Variants in SLC25A21 observed in about 807,000 individuals in gnomAD.
SLC25A21 encodes the protein solute carrier family 25 member 21, also known as mitochondrial 2-oxodicarboxylate carrier.
Under a neutral mutation model 43.8 loss-of-function variants are expected in SLC25A21, and 47 were observed. The ratio of observed to expected loss-of-function variants is 1.07; its 90% confidence interval spans 0.85 to 1.37. The LOEUF is 1.37. Ranked by LOEUF, SLC25A21 falls within the 40% of genes most tolerant of loss-of-function variation. SLC25A21 has a pLI of 0.00. For synonymous variants in SLC25A21, 131 were observed against 121.3 expected (o/e 1.08, Z -0.52); for missense variants, 352 against 350.2 (o/e 1.00, Z -0.04).
intron 4 of SLC25A21, among the ~76,000 whole-genome samples, chr14:36,730,585 T>C (rs1413839217): frequency 2.6e-5 from 4 of 152,252 alleles, no homozygotes; most frequent in African/African-American, 7.2e-5. Context: ...TAGCTCCTTA[T>C]AGATGGCTTC....
intron 2 of SLC25A21, among the ~76,000 whole-genome samples, chr14:36,815,477 G>A (rs373983564): frequency 2.6e-5 from 4 of 152,130 alleles, no homozygotes; most frequent in South Asian, 2.1e-4. Context: ...GTTTACTATC[G>A]CTACTCGGTG....
At chr14:36,836,358 T>C (rs1889208974) in intron 2 of SLC25A21, among the ~76,000 whole-genome samples, 1 of 152,240 alleles carries the variant, frequency 6.6e-6, no homozygotes, top group South Asian at 2.1e-4. Context: ...TATAGTTTTC[T>C]TATGATATAT....
intron 1 of SLC25A21, among the ~76,000 whole-genome samples, chr14:36,976,852 T>C (rs1482575555): frequency 6.6e-6 from 1 of 152,234 alleles, no homozygotes; most frequent in Admixed American, 6.5e-5. Flanking sequence ...GAGCCTTGCT[T>C]GAAAAGTGCT....
At chr14:37,108,956 C>G in intron 1 of SLC25A21, among the ~76,000 whole-genome samples, 1 of 152,058 alleles carries the variant, frequency 6.6e-6, no homozygotes, top group East Asian at 1.9e-4. Context: ...CCATTACAAC[C>G]TGTTACTTTC....
At chr14:37,126,768 A>T (rs1386895507) in intron 1 of SLC25A21, among the ~76,000 whole-genome samples, 1 of 152,224 alleles carries the variant, frequency 6.6e-6, no homozygotes. Context: ...CATTCAGGGC[A>T]TTCTTTAATC....
chr14:36,802,157 C>T (rs935057806), intron 3 of SLC25A21, among the ~76,000 whole-genome samples: 8 of 151,968 alleles, frequency 5.3e-5, no homozygotes, highest in African/African-American at 1.9e-4. Flanking sequence ...CCATGGGTGT[C>T]GTAAATTTTC....
intron 3 of SLC25A21, among the ~76,000 whole-genome samples, chr14:36,762,565 T>C (rs1405040029): frequency 1.3e-5 from 2 of 152,248 alleles, no homozygotes; most frequent in Non-Finnish European, 2.9e-5. Flanking sequence ...TATTGCAAAT[T>C]AATCTGAGTT....
chr14:36,706,404 C>T (rs1202476474), intron 7 of SLC25A21, among the ~76,000 whole-genome samples: 1 of 152,116 alleles, frequency 6.6e-6, no homozygotes, highest in Non-Finnish European at 1.5e-5. Context: ...AAGGTCATTC[C>T]ACCAGTAAGG....
At chr14:36,934,998 T>C (rs1374358443) in intron 1 of SLC25A21, among the ~76,000 whole-genome samples, 1 of 128,670 alleles carries the variant, frequency 7.8e-6, no homozygotes, top group Non-Finnish European at 1.6e-5. Flanking sequence ...GTTCTTTATC[T>C]TTTTTTTTTT....
intron 1 of SLC25A21, among the ~76,000 whole-genome samples, chr14:37,054,778 C>A (rs1305788957): frequency 1.3e-5 from 2 of 152,158 alleles, no homozygotes; most frequent in Non-Finnish European, 2.9e-5. Flanking sequence ...CTAGAACTTT[C>A]TAGGTTTAAA....
intron 3 of SLC25A21, among the ~76,000 whole-genome samples, chr14:36,754,795 ATTAAT>A (rs1885863142): frequency 6.6e-6 from 1 of 152,212 alleles, no homozygotes; most frequent in Non-Finnish European, 1.5e-5. Flanking sequence ...GAAATATGTT[ATTAAT>A]TTATCTACTT....
intron 1 of SLC25A21, among the ~76,000 whole-genome samples, chr14:37,052,844 G>T (rs1227090549): frequency 6.6e-6 from 1 of 152,042 alleles, no homozygotes; most frequent in South Asian, 2.1e-4. Flanking sequence ...CACCATGTTG[G>T]CCAGACTGAT....
At chr14:37,158,919 T>G (rs983216671) in intron 1 of SLC25A21, among the ~76,000 whole-genome samples, 1 of 152,108 alleles carries the variant, frequency 6.6e-6, no homozygotes, top group East Asian at 1.9e-4. Flanking sequence ...CAAAAATCAG[T>G]AGCATTTCTA....
rs574306304 is a variant in SLC25A21, at chr14:36,895,946, A to T, written c.71-20942T>A. 3.2e-3 allele frequency among the ~76,000 whole-genome samples: 489 copies of T among 151,976 alleles called. 4 individuals carry two copies. Among genetic ancestry groups the T allele is most frequent in the African/African-American group, 0.011 (459 of 41,464 alleles). Reference sequence around the variant, plus strand: ...CTGTTCTTTTACATTTGCTGAGGAGAGCTTTACTTCCATCTGTGTGGTCAA... The same window carrying T: ...CTGTTCTTTTACATTTGCTGAGGAGTGCTTTACTTCCATCTGTGTGGTCAA... On this transcript the variant is annotated intron_variant, in intron 1 of 9. Transcript: ENST00000331299.
At chr14:37,034,892 T>G (rs1239840904) in intron 1 of SLC25A21, among the ~76,000 whole-genome samples, 1 of 152,214 alleles carries the variant, frequency 6.6e-6, no homozygotes, top group African/African-American at 2.4e-5. Context: ...CTAACCGTAT[T>G]GCTGAATACT....
rs3061773 is a variant in SLC25A21 at position 37,032,670 on chromosome 14, C to CAAAAAAAAAAAAA, written c.70+139598_70+139610dup. On this transcript the variant is annotated intron_variant, in intron 1 of 9. Coordinates refer to ENST00000331299, the MANE Select transcript of SLC25A21 (RefSeq NM_030631.4). ...TGGGCAACAGAGTGAGACTCTGTCT[C>CAAAAAAAAAAAAA]AAAAAAAAAAAAAAAGGGAGAACAG... is the stretch of plus-strand genomic sequence containing the variant. Among the ~76,000 whole-genome samples, 7 of 93,736 alleles carry CAAAAAAAAAAAAA rather than the reference C, an allele frequency of 7.5e-5. No homozygotes were observed. The East Asian group carries it at 9.5e-4, about 13-fold the overall frequency. The allele number at this position is 93,736 out of a possible 152,430, so 61.5% of individuals were successfully genotyped here. A position where few individuals can be genotyped will look rare whatever the true frequency, so the allele number is the denominator to read the frequency against.
chr14:36,911,826 G>A (rs965168744), intron 1 of SLC25A21, among the ~76,000 whole-genome samples: 11 of 152,088 alleles, frequency 7.2e-5, no homozygotes. Flanking sequence ...GTCACTTTAA[G>A]CTCCTAGGTT....
chr14:37,137,838 C>T (rs536973766), intron 1 of SLC25A21, among the ~76,000 whole-genome samples: 1 of 152,204 alleles, frequency 6.6e-6, no homozygotes, highest in African/African-American at 2.4e-5. Context: ...GTCTGTATGT[C>T]AATGAATTCG....
intron 7 of SLC25A21, among the ~76,000 whole-genome samples, chr14:36,694,133 A>G (rs1882914514): frequency 6.6e-6 from 1 of 151,928 alleles, no homozygotes; most frequent in African/African-American, 2.4e-5. Context: ...TCATTGTTCA[A>G]TTCCCACCTG....
Sources: gnomAD v4.1 joint callset for allele counts (sites outside exome capture counted in the v4.1 genomes callset) on GRCh38, gnomAD v4.1.1 for gene constraint, MANE v1.5 for transcripts, NCBI Gene and HGNC (gene_info 2026-07-23, HGNC 2026-07-21) for gene names.